The following THSD4 variants were observed in gnomAD, a reference collection of about 807,000 sequenced individuals.
THSD4 encodes the protein thrombospondin type-1 domain-containing protein 4.
Under a neutral mutation model 119.0 loss-of-function variants are expected in THSD4, and 69 were observed. That is an observed-to-expected ratio of 0.58 (90% CI 0.48 to 0.71). THSD4 has a LOEUF of 0.71. Ranked by LOEUF, THSD4 falls within the 30% of genes least tolerant of loss-of-function variation. The pLI is 0.00. For synonymous variants in THSD4, 524 were observed against 540.4 expected (o/e 0.97, Z 0.42); for missense variants, 1,393 against 1,391.1 (o/e 1.00, Z -0.02).
chr15:71,598,991 C>T (rs2049958084), intron 7 of THSD4, among the ~76,000 whole-genome samples: 1 of 152,152 alleles, frequency 6.6e-6, no homozygotes, highest in Admixed American at 6.6e-5. Context: ...GTCCTGCCCA[C>T]TTTATGACAA....
chr15:71,315,274 T>C (rs543134621), intron 6 of THSD4, among the ~76,000 whole-genome samples: 2 of 152,370 alleles, frequency 1.3e-5, no homozygotes, highest in East Asian at 3.9e-4. Flanking sequence ...TGACCATCCC[T>C]GCCTTGGCTT....
chr15:71,664,044 G>A (rs933624240), intron 8 of THSD4, among the ~76,000 whole-genome samples: 3 of 151,222 alleles, frequency 2.0e-5, no homozygotes, highest in East Asian at 1.9e-4. Context: ...GTGCAGTGGC[G>A]CCGTCTCAGC....
At chr15:71,350,972 A>G (rs1044005207) in intron 6 of THSD4, among the ~76,000 whole-genome samples, 1 of 152,212 alleles carries the variant, frequency 6.6e-6, no homozygotes. Flanking sequence ...TTCAAGGTGC[A>G]TAGTCAGACA....
intron 14 of THSD4, among the ~76,000 whole-genome samples, chr15:71,750,783 G>A (rs1567135580): frequency 6.6e-6 from 1 of 152,178 alleles, no homozygotes; most frequent in Non-Finnish European, 1.5e-5. Flanking sequence ...TCAAGCTTCT[G>A]CCCTAAAGCT....
chr15:71,777,463 C>T lies in THSD4; in HGVS notation c.*89C>T. 6.7e-7 allele frequency: 1 copy of T among 1,503,108 alleles called. No homozygotes were observed. The highest frequency in any genetic ancestry group is 2.4e-4 in the Middle Eastern group (1 of 4,244). The allele number at this position is 1,503,108 out of a possible 1,614,324, so 93.1% of individuals were successfully genotyped here. A position where few individuals can be genotyped will look rare whatever the true frequency, so the allele number is the denominator to read the frequency against. On this transcript the variant is annotated 3_prime_UTR_variant, in exon 18 of 18. Transcript: ENST00000261862. ...TGGCTGGCTGCTGCTCCACCACGGGCCCCCTGGCCCAGGCGCTGCCAACCA... is the reference window on the plus strand; with the variant it reads ...TGGCTGGCTGCTGCTCCACCACGGGTCCCCTGGCCCAGGCGCTGCCAACCA...
At chr15:71,384,726 G>C (rs967723331) in intron 6 of THSD4, among the ~76,000 whole-genome samples, 2 of 152,214 alleles carry the variant, frequency 1.3e-5, no homozygotes, top group Admixed American at 1.3e-4. Context: ...TTAAAGTGCA[G>C]TGCCGTTCAT....
At chr15:71,410,876 T>TAC (rs147641169) in intron 6 of THSD4, among the ~76,000 whole-genome samples, 10,423 of 150,412 alleles carry the variant, frequency 0.069, 1,060 homozygotes, top group African/African-American at 0.22. Context: ...TACTAAAAAA[T>TAC]ACACACACAC....
At chr15:71,608,403 A>C (rs963710218) in intron 7 of THSD4, among the ~76,000 whole-genome samples, 2 of 152,040 alleles carry the variant, frequency 1.3e-5, no homozygotes, top group African/African-American at 4.8e-5. Context: ...ATTACTTAAC[A>C]TTATAAAAGG....
chr15:71,639,289 C>G (rs2050808900), intron 7 of THSD4, among the ~76,000 whole-genome samples: 1 of 152,156 alleles, frequency 6.6e-6, no homozygotes, highest in African/African-American at 2.4e-5. Context: ...GAAGTAAATC[C>G]TGGTAGCTTG....
intron 7 of THSD4, among the ~76,000 whole-genome samples, chr15:71,635,370 C>T (rs1282064002): frequency 6.6e-6 from 1 of 151,004 alleles, no homozygotes; most frequent in African/African-American, 2.4e-5. Flanking sequence ...TGGGAACACA[C>T]ACACACACAC....
At chr15:71,227,421 C>T (rs530827776) in intron 4 of THSD4, among the ~76,000 whole-genome samples, 41 of 152,152 alleles carry the variant, frequency 2.7e-4, no homozygotes, top group Non-Finnish European at 5.0e-4. Context: ...TCCTCCAGCG[C>T]ACACCTAGTG....
chr15:71,125,074 AAAGAG>A (rs1290448265), intron 1 of THSD4, among the ~76,000 whole-genome samples: 2 of 152,086 alleles, frequency 1.3e-5, no homozygotes, highest in Admixed American at 6.5e-5. Context: ...ACCCAGCCAG[AAAGAG>A]AAGAGAAGAG....
chr15:71,356,293 A>C (rs1361979294), intron 6 of THSD4, among the ~76,000 whole-genome samples: 2 of 152,218 alleles, frequency 1.3e-5, no homozygotes. Context: ...AAGCCCTTCC[A>C]GGAGCACCTA....
chr15:71,631,678 C>T (rs569872559), intron 7 of THSD4, among the ~76,000 whole-genome samples: 1 of 152,338 alleles, frequency 6.6e-6, no homozygotes, highest in East Asian at 1.9e-4. Flanking sequence ...CCCAGGAGGG[C>T]TTAGCCATCA....
At chr15:71,180,173 A>T (rs112755010) in intron 3 of THSD4, among the ~76,000 whole-genome samples, 1,646 of 8,694 alleles carry the variant, frequency 0.19, 35 homozygotes, top group Admixed American at 0.31. Context: ...AAAAAAAATA[A>T]AAAAAAAAAA....
At chr15:71,197,576 A>C (rs542904983) in intron 3 of THSD4, among the ~76,000 whole-genome samples, 1 of 152,290 alleles carries the variant, frequency 6.6e-6, no homozygotes, top group African/African-American at 2.4e-5. Flanking sequence ...ATCGTGGGAA[A>C]GCACCCAGTG....
intron 7 of THSD4, among the ~76,000 whole-genome samples, chr15:71,447,794 T>A (rs917089673): frequency 1.3e-5 from 2 of 152,162 alleles, no homozygotes; most frequent in African/African-American, 2.4e-5. Context: ...CCTGGGCTAA[T>A]AAACATGCAC....
At chr15:71,502,376 A>G (rs2048124838) in intron 7 of THSD4, among the ~76,000 whole-genome samples, 1 of 152,240 alleles carries the variant, frequency 6.6e-6, no homozygotes, top group Admixed American at 6.5e-5. Context: ...GTGAATGAAA[A>G]TAATGGGTAT....
chr15:71,458,056 C>A (rs2047365172), intron 7 of THSD4, among the ~76,000 whole-genome samples: 1 of 152,204 alleles, frequency 6.6e-6, no homozygotes. Flanking sequence ...AAAAGTGAAA[C>A]AATCCGGTGA....
Sources: gnomAD v4.1 joint callset for allele counts (sites outside exome capture counted in the v4.1 genomes callset) on GRCh38, gnomAD v4.1.1 for gene constraint, MANE v1.5 for transcripts, NCBI Gene and HGNC (gene_info 2026-07-23, HGNC 2026-07-21) for gene names.